IDE: variants seen among roughly 807,000 people sequenced by gnomAD.
IDE encodes the protein insulin-degrading enzyme.
A neutral mutation model predicts 133.2 loss-of-function variants in IDE; 58 were observed. The ratio of observed to expected loss-of-function variants is 0.44; its 90% CI spans 0.35 to 0.54. The LOEUF is 0.54. IDE is among the 20% of genes least tolerant of loss of function. The pLI, the probability that IDE is intolerant of heterozygous loss-of-function variation, is 0.00. For missense variants in IDE, 981 were observed against 1,234.0 expected (o/e 0.79, Z 3.07); for synonymous variants, 396 against 421.3 (o/e 0.94, Z 0.73).
intron 1 of IDE, among the ~76,000 whole-genome samples, chr10:92,565,231 G>A (rs35418143): frequency 0.16 from 23,287 of 145,288 alleles, 2,188 homozygotes; most frequent in Middle Eastern, 0.21. Context: ...GTGACAGAGC[G>A]AGACTCTGTC....
chr10:92,457,968 A>G (rs577535274), intron 22 of IDE, among the ~76,000 whole-genome samples: 4 of 152,250 alleles, frequency 2.6e-5, no homozygotes, highest in South Asian at 4.2e-4. Flanking sequence ...TAAGAACTTC[A>G]TCTTACTGGA....
At chr10:92,549,264 A>G (rs1237634673) in intron 1 of IDE, among the ~76,000 whole-genome samples, 2 of 152,028 alleles carry the variant, frequency 1.3e-5, no homozygotes, top group African/African-American at 4.8e-5. Flanking sequence ...CTTAAAAAAA[A>G]AAAAGATTTT....
intron 17 of IDE, among the ~76,000 whole-genome samples, chr10:92,472,950 T>C (rs1013079935): frequency 2.0e-5 from 3 of 149,114 alleles, no homozygotes; most frequent in Non-Finnish European, 4.5e-5. Flanking sequence ...AATTTTTTTT[T>C]TTTTTTTTTT....
At chr10:92,478,593 AC>A (rs1029196542) in intron 15 of IDE, 1 of 1,036,220 alleles carries the variant, frequency 9.7e-7, no homozygotes. Flanking sequence ...CCCAAGCTCA[AC>A]ATAATGCTTA....
At chr10:92,540,657 GTAA>G (rs1387652266) in intron 1 of IDE, among the ~76,000 whole-genome samples, 2 of 152,152 alleles carry the variant, frequency 1.3e-5, no homozygotes, top group African/African-American at 2.4e-5. Context: ...TGACTGAAAT[GTAA>G]TAATGATGAT....
At chr10:92,550,411 A>C (rs1842725027) in intron 1 of IDE, among the ~76,000 whole-genome samples, 1 of 152,186 alleles carries the variant, frequency 6.6e-6, no homozygotes, top group Non-Finnish European at 1.5e-5. Context: ...AACATCACTA[A>C]TCATTAGAAA....
intron 1 of IDE, among the ~76,000 whole-genome samples, chr10:92,573,551 G>A (rs368195423): frequency 2.0e-5 from 3 of 152,244 alleles, no homozygotes; most frequent in East Asian, 3.9e-4. Context: ...TCAGGTTCCC[G>A]GCCCCCTCAC....
chr10:92,513,901 A>C (rs1848761330), intron 5 of IDE, among the ~76,000 whole-genome samples: 1 of 152,112 alleles, frequency 6.6e-6, no homozygotes, highest in Admixed American at 6.6e-5. Context: ...AAAAACACAC[A>C]AATATTTAAT....
At chr10:92,507,861 T>C (rs1848380007) in intron 8 of IDE, among the ~76,000 whole-genome samples, 195 bp from the exon 9 acceptor site, 1 of 152,160 alleles carries the variant, frequency 6.6e-6, no homozygotes, top group Non-Finnish European at 1.5e-5. Context: ...AGAAAGGGTG[T>C]TGGGGCAGTA....
At chr10:92,559,223 G>C (rs1471864514) in intron 1 of IDE, 2 of 152,176 alleles carry the variant, frequency 1.3e-5, no homozygotes, top group Admixed American at 1.3e-4. Context: ...TTCCTGAAAA[G>C]GTTAAACACA....
chr10:92,478,764 G>A, intron 15 of IDE: 1 of 1,256,694 alleles, frequency 8.0e-7, no homozygotes, highest in Admixed American at 2.6e-5. Flanking sequence ...ATGTTGCAAT[G>A]GAGAGGATCA....
chr10:92,503,020 A>C (rs1483195319), intron 11 of IDE, among the ~76,000 whole-genome samples: 1 of 152,148 alleles, frequency 6.6e-6, no homozygotes, highest in East Asian at 1.9e-4. Flanking sequence ...ATAATTTCAC[A>C]TGTTATTTTC....
At chr10:92,571,200 G>A (rs1843771370) in intron 1 of IDE, among the ~76,000 whole-genome samples, 1 of 151,940 alleles carries the variant, frequency 6.6e-6, no homozygotes, top group African/African-American at 2.4e-5. Context: ...TTTTAGTAGA[G>A]ATGGGGTTTC....
intron 5 of IDE, 70 bp from the exon 6 acceptor site, chr10:92,510,232 C>A (rs569363742): frequency 2.6e-6 from 2 of 755,122 alleles, no homozygotes; most frequent in South Asian, 1.7e-5. Context: ...TGCTTAAAAT[C>A]TTAGGATCTC....
At chr10:92,532,444 T>G (rs1383409672) in intron 3 of IDE, among the ~76,000 whole-genome samples, 1 of 152,064 alleles carries the variant, frequency 6.6e-6, no homozygotes, top group Non-Finnish European at 1.5e-5. Context: ...AAAAACAAAC[T>G]TGAATTAGTA....
At chr10:92,513,959 A>G (rs1848764651) in intron 5 of IDE, among the ~76,000 whole-genome samples, 1 of 152,192 alleles carries the variant, frequency 6.6e-6, no homozygotes, top group Non-Finnish European at 1.5e-5. Flanking sequence ...GATGGAAAGT[A>G]GAATAGGAAA....
intron 21 of IDE, among the ~76,000 whole-genome samples, chr10:92,461,995 A>C (rs1409159807): frequency 6.6e-6 from 1 of 151,634 alleles, no homozygotes; most frequent in Non-Finnish European, 1.5e-5. Context: ...TTTTTACGTG[A>C]CCATTTGCTT....
At chr10:92,501,187 CTCTCTCTACAAAAAAA>C (rs1847986070) in intron 11 of IDE, among the ~76,000 whole-genome samples, 2 of 148,832 alleles carry the variant, frequency 1.3e-5, no homozygotes, top group African/African-American at 5.0e-5. Flanking sequence ...TAGTGAGACT[CTCTCTCTACAAAAAAA>C]TTAAAAAATT....
At chr10:92,460,386 C>A (rs1322595559) in intron 22 of IDE, among the ~76,000 whole-genome samples, 3 of 152,040 alleles carry the variant, frequency 2.0e-5, no homozygotes, top group Non-Finnish European at 4.4e-5. Flanking sequence ...TTCTTCCTTC[C>A]CACCAAACAA....
Sources: gnomAD v4.1 joint callset for allele counts (sites outside exome capture counted in the v4.1 genomes callset) on GRCh38, gnomAD v4.1.1 for gene constraint, MANE v1.5 for transcripts, NCBI Gene and HGNC (gene_info 2026-07-23, HGNC 2026-07-21) for gene names.